Variants in NEDD4L observed in about 807,000 individuals in gnomAD.
NEDD4L encodes NEDD4 like E3 ubiquitin protein ligase.
A neutral mutation model predicts 148.9 loss-of-function variants in NEDD4L; 54 were observed. The observed-to-expected ratio is 0.36, with a 90% CI of 0.29 to 0.45. NEDD4L has a LOEUF of 0.45. Among genes scored for constraint, NEDD4L ranks in the 20% least tolerant of loss-of-function variants. NEDD4L has a pLI of 1.00. For missense variants in NEDD4L, 856 were observed against 1,233.8 expected (o/e 0.69, Z 4.59); for synonymous variants, 433 against 440.7 (o/e 0.98, Z 0.22).
chr18:58,076,275 G>T (rs980377888), intron 1 of NEDD4L, among the ~76,000 whole-genome samples: 3 of 152,170 alleles, frequency 2.0e-5, no homozygotes, highest in Admixed American at 6.5e-5. Flanking sequence ...CTAATCTGGG[G>T]AGGCAGAGTG....
chr18:58,370,266 T>G, intron 22 of NEDD4L, 131 bp from the exon 23 acceptor site: 1 of 663,704 alleles, frequency 1.5e-6, no homozygotes, highest in Admixed American at 2.2e-5. Context: ...TGTGCAATAC[T>G]GTAGAAGGCC....
chr18:58,282,717 T>C (rs1193420513), intron 5 of NEDD4L, among the ~76,000 whole-genome samples: 1 of 152,240 alleles, frequency 6.6e-6, no homozygotes, highest in African/African-American at 2.4e-5. Context: ...GTTTTGCTAC[T>C]GTATATGAGC....
chr18:58,274,786 C>G (rs1424562124), intron 5 of NEDD4L, among the ~76,000 whole-genome samples: 1 of 152,182 alleles, frequency 6.6e-6, no homozygotes, highest in Non-Finnish European at 1.5e-5. Context: ...CTTGTCAAAT[C>G]CTAGTGAATT....
chr18:58,270,313 T>C (rs1481816876), intron 5 of NEDD4L, among the ~76,000 whole-genome samples: 1 of 152,196 alleles, frequency 6.6e-6, no homozygotes, highest in East Asian at 1.9e-4. Context: ...GTCAACTCAT[T>C]TTTTAGGGCG....
chr18:58,232,966 G>T (rs988205937), intron 2 of NEDD4L, among the ~76,000 whole-genome samples: 2 of 152,144 alleles, frequency 1.3e-5, no homozygotes, highest in Non-Finnish European at 2.9e-5. Context: ...CGTTCTTAGG[G>T]CAGATCCACG....
intron 2 of NEDD4L, among the ~76,000 whole-genome samples, chr18:58,168,776 T>C (rs2146686855): frequency 6.6e-6 from 1 of 152,334 alleles, no homozygotes; most frequent in African/African-American, 2.4e-5. Context: ...TGAGAGGCAT[T>C]TCAGAGCCTT....
At chr18:58,049,719 G>A (rs887545118) in intron 1 of NEDD4L, among the ~76,000 whole-genome samples, 1 of 152,200 alleles carries the variant, frequency 6.6e-6, no homozygotes, top group South Asian at 2.1e-4. Flanking sequence ...GATCACTCCT[G>A]TAATCCTAGC....
intron 1 of NEDD4L, among the ~76,000 whole-genome samples, chr18:58,076,436 GA>G (rs1430945599): frequency 2.0e-5 from 3 of 152,118 alleles, no homozygotes; most frequent in Non-Finnish European, 4.4e-5. Flanking sequence ...CTATTAACCA[GA>G]AAAACTGAAA....
At chr18:58,368,936 C>T (rs1469161290) in intron 22 of NEDD4L, among the ~76,000 whole-genome samples, 1 of 152,154 alleles carries the variant, frequency 6.6e-6, no homozygotes. Context: ...GTTTAGTCAC[C>T]GTATGCAAGT....
intron 2 of NEDD4L, among the ~76,000 whole-genome samples, chr18:58,237,371 C>T (rs879888898): frequency 5.3e-5 from 8 of 152,190 alleles, no homozygotes; most frequent in African/African-American, 1.9e-4. Flanking sequence ...TGCTATCTCT[C>T]TTGGCTCTAT....
At chr18:58,222,012 T>C (rs1017171287) in intron 2 of NEDD4L, among the ~76,000 whole-genome samples, 9 of 152,244 alleles carry the variant, frequency 5.9e-5, no homozygotes, top group African/African-American at 2.2e-4. Context: ...TCTGGTCCCC[T>C]GTTCTTTGCT....
At chr18:58,356,705 A>T (rs370328482) in intron 18 of NEDD4L, among the ~76,000 whole-genome samples, 1 of 152,194 alleles carries the variant, frequency 6.6e-6, no homozygotes, top group Non-Finnish European at 1.5e-5. Flanking sequence ...CATGTAATAG[A>T]TTATTCATTT....
chr18:58,352,986 C>A (rs1371285419), intron 18 of NEDD4L, among the ~76,000 whole-genome samples: 1 of 152,138 alleles, frequency 6.6e-6, no homozygotes, highest in Non-Finnish European at 1.5e-5. Flanking sequence ...GTGTCATAGA[C>A]CTAGTATGAT....
rs796696534 is a variant in NEDD4L at position 58,347,211 on chromosome 18, C to CG, written c.1576-2326_1576-2325insG. On this transcript the variant is annotated intron_variant, in intron 16 of 30. Transcript: ENST00000400345. The stretch of plus-strand genomic sequence containing the variant: ...AGCTTCTTTTCACGCTACGGCCCCC[C>CG]CCGCCCCCCCCCCCCCTTTAAATCA... Among the ~76,000 whole-genome samples, 333 of 75,132 alleles carry CG rather than the reference C, an allele frequency of 4.4e-3. 12 individuals carry two copies. The East Asian group carries it at 0.055, about 12-fold the overall frequency. 49.3% of individuals were successfully genotyped at this position (75,132 alleles called of 152,430 possible). A position where few individuals can be genotyped will look rare whatever the true frequency, so the allele number is the denominator to read the frequency against.
intron 13 of NEDD4L, chr18:58,335,821 G>A (rs2041671179): frequency 9.7e-6 from 3 of 308,576 alleles, no homozygotes. Flanking sequence ...GACTTTTAGT[G>A]TTTGTACTCC....
chr18:58,073,105 A>C (rs1366646001), intron 1 of NEDD4L, among the ~76,000 whole-genome samples: 2 of 152,218 alleles, frequency 1.3e-5, no homozygotes, highest in African/African-American at 4.8e-5. Context: ...CCTAAAAAAC[A>C]AAAGAAAGGA....
rs144279374 is a variant in NEDD4L, at chr18:58,386,026, G to A, written c.2487+440G>A. ...GCCACCCCTCCCTCCCTGGATCACT[G>A]CTGCCTGGGCTTGATTGATTGATTG... On this transcript the variant is annotated intron_variant, in intron 26 of 30. Transcript: ENST00000400345. 8.0e-3 allele frequency among the ~76,000 whole-genome samples: 1,212 copies of A among 150,650 alleles called. 14 individuals are homozygous for A. Among genetic ancestry groups the A allele is most frequent in the African/African-American group, 0.028 (1,148 of 40,522 alleles).
chr18:58,323,683 C>T (rs1468182373), intron 8 of NEDD4L, among the ~76,000 whole-genome samples: 2 of 152,198 alleles, frequency 1.3e-5, no homozygotes, highest in Non-Finnish European at 2.9e-5. Context: ...ATTGAGGTCG[C>T]TTCAAAGTGG....
chr18:58,122,213 A>G (rs376783296), intron 1 of NEDD4L, among the ~76,000 whole-genome samples: 1 of 152,240 alleles, frequency 6.6e-6, no homozygotes, highest in East Asian at 1.9e-4. Context: ...CTAAAACTCA[A>G]TCTAGGCCGG....
Sources: gnomAD v4.1 joint callset for allele counts (sites outside exome capture counted in the v4.1 genomes callset) on GRCh38, gnomAD v4.1.1 for gene constraint, MANE v1.5 for transcripts, NCBI Gene and HGNC (gene_info 2026-07-23, HGNC 2026-07-21) for gene names.